The following RARB variants were observed in gnomAD, a reference collection of about 807,000 sequenced individuals.
The protein encoded by RARB is retinoic acid receptor beta, also known as HBV-activated protein.
Under a neutral mutation model 51.9 loss-of-function variants are expected in RARB, and 17 were observed. That is an observed-to-expected ratio of 0.33 (90% CI 0.22 to 0.49). The LOEUF is 0.49. Among genes scored for constraint, RARB ranks in the 20% least tolerant of loss-of-function variants. The pLI is 0.99. For missense variants in RARB, 369 were observed against 550.8 expected (o/e 0.67, Z 3.30); for synonymous variants, 215 against 195.4 (o/e 1.10, Z -0.84).
chr3:25,435,527 A>G (rs919274034), intron 1 of RARB, among the ~76,000 whole-genome samples: 44 of 152,134 alleles, frequency 2.9e-4, no homozygotes, highest in African/African-American at 1.1e-3. Context: ...GGGCTGGTCT[A>G]TTGGAAAGCT....
At chr3:25,184,441 C>G (rs140574325) in intron 5 of RARB, among the ~76,000 whole-genome samples, 358 of 152,108 alleles carry the variant, frequency 2.4e-3, no homozygotes, top group African/African-American at 7.9e-3. Context: ...CCTCTGGGAG[C>G]TTATAGTTAA....
intron 5 of RARB, among the ~76,000 whole-genome samples, chr3:25,302,707 G>A (rs979846324): frequency 6.6e-6 from 1 of 152,160 alleles, no homozygotes; most frequent in Non-Finnish European, 1.5e-5. Flanking sequence ...TTTGTGAATA[G>A]ACTTAAAACC....
chr3:25,365,901 C>T lies in RARB; in HGVS notation c.179-95292C>T, dbSNP rs190102057. 2.0e-5 allele frequency among the ~76,000 whole-genome samples: 3 copies of T among 152,300 alleles called. No individual in the cohort carries two copies. In the East Asian group the frequency reaches 5.8e-4, roughly 29 times the overall value. On this transcript the variant is annotated intron_variant, in intron 5 of 11. Coordinates refer to the RARB transcript ENST00000383772. ...ATCACATGGCAACATTTCTGCCATACCACAGTAGTCACAACTGTGCCTCCA... is the reference window on the plus strand; with the variant it reads ...ATCACATGGCAACATTTCTGCCATATCACAGTAGTCACAACTGTGCCTCCA...
chr3:25,048,373 C>A (rs73040992), intron 2 of RARB, among the ~76,000 whole-genome samples: 36,688 of 151,942 alleles, frequency 0.24, 4,930 homozygotes, highest in African/African-American at 0.36. Context: ...CTCTTCTGAC[C>A]CCCATCCAAT....
chr3:25,258,341 G>T (rs1702916923), intron 5 of RARB, among the ~76,000 whole-genome samples: 1 of 152,158 alleles, frequency 6.6e-6, no homozygotes, highest in Non-Finnish European at 1.5e-5. Context: ...GCACTCTTCT[G>T]TGATAGTTGT....
At chr3:25,497,451 C>T (rs1305981311) in intron 2 of RARB, among the ~76,000 whole-genome samples, 2 of 152,210 alleles carry the variant, frequency 1.3e-5, no homozygotes, top group Non-Finnish European at 2.9e-5. Flanking sequence ...ACCACCTCTT[C>T]TTTCGCCAAT....
At chr3:24,911,544 A>T (rs1694989182) in intron 2 of RARB, among the ~76,000 whole-genome samples, 1 of 145,166 alleles carries the variant, frequency 6.9e-6, no homozygotes, top group Non-Finnish European at 1.6e-5. Flanking sequence ...CCCAGTTTTT[A>T]TTTTTATTTT....
intron 2 of RARB, among the ~76,000 whole-genome samples, chr3:24,945,728 G>C (rs1695759180): frequency 6.6e-6 from 1 of 152,226 alleles, no homozygotes; most frequent in Non-Finnish European, 1.5e-5. Context: ...AGCCAACAGA[G>C]AGCAAACCTG....
At chr3:24,936,839 A>G (rs1429128442) in intron 2 of RARB, among the ~76,000 whole-genome samples, 1 of 152,174 alleles carries the variant, frequency 6.6e-6, no homozygotes, top group East Asian at 1.9e-4. Context: ...ATATAGTCAG[A>G]ATACTGACCT....
At chr3:25,331,368 AACTC>A (rs1704889998) in intron 5 of RARB, among the ~76,000 whole-genome samples, 2 of 152,234 alleles carry the variant, frequency 1.3e-5, no homozygotes, top group Admixed American at 1.3e-4. Context: ...AGGATTAAGA[AACTC>A]ACTCAGAACA....
intron 2 of RARB, among the ~76,000 whole-genome samples, chr3:25,473,280 T>C (rs1006298917): frequency 6.6e-6 from 1 of 151,884 alleles, no homozygotes; most frequent in African/African-American, 2.4e-5. Flanking sequence ...AAAATTTTGT[T>C]CTATGGACCC....
At chr3:25,039,671 C>CT (rs934306295) in intron 2 of RARB, among the ~76,000 whole-genome samples, 1 of 152,074 alleles carries the variant, frequency 6.6e-6, no homozygotes, top group Non-Finnish European at 1.5e-5. Context: ...GGACAAGAAG[C>CT]TTTTTTCTTT....
At chr3:25,051,630 T>G (rs1176214080) in intron 2 of RARB, among the ~76,000 whole-genome samples, 1 of 152,178 alleles carries the variant, frequency 6.6e-6, no homozygotes. Context: ...AAGATACTAT[T>G]ATTCATTAGG....
chr3:25,228,235 T>C (rs1702100339), intron 5 of RARB, among the ~76,000 whole-genome samples: 1 of 146,748 alleles, frequency 6.8e-6, no homozygotes, highest in Admixed American at 6.8e-5. Context: ...TTTTTTTTTT[T>C]TTGGTTGTTC....
chr3:25,121,793 G>C (rs898345680), intron 3 of RARB, among the ~76,000 whole-genome samples: 4 of 152,058 alleles, frequency 2.6e-5, no homozygotes, highest in Non-Finnish European at 5.9e-5. Context: ...TTTATCTATT[G>C]AACAGTCAAC....
chr3:25,253,385 T>G (rs1246625668), intron 5 of RARB, among the ~76,000 whole-genome samples: 1 of 152,160 alleles, frequency 6.6e-6, no homozygotes, highest in African/African-American at 2.4e-5. Context: ...TTACTTAACT[T>G]TATTTTGAAA....
At chr3:24,976,231 C>T (rs754375373) in intron 2 of RARB, among the ~76,000 whole-genome samples, 1 of 152,136 alleles carries the variant, frequency 6.6e-6, no homozygotes, top group Non-Finnish European at 1.5e-5. Context: ...CATGAACATG[C>T]ATGTGCATGT....
At chr3:25,535,558 C>G (rs956194499) in intron 3 of RARB, among the ~76,000 whole-genome samples, 1 of 152,144 alleles carries the variant, frequency 6.6e-6, no homozygotes. Context: ...TATCCATCCT[C>G]TAGCCCCCCA....
At chr3:25,593,408 C>T (rs1361479916) in intron 5 of RARB, 95 bp from the exon 6 acceptor site, 2 of 1,187,934 alleles carry the variant, frequency 1.7e-6, no homozygotes, top group Non-Finnish European at 2.4e-6. Flanking sequence ...CCCAAGAGCT[C>T]CTTGGAAATC....
Sources: gnomAD v4.1 joint callset for allele counts (sites outside exome capture counted in the v4.1 genomes callset) on GRCh38, gnomAD v4.1.1 for gene constraint, MANE v1.5 for transcripts, NCBI Gene and HGNC (gene_info 2026-07-23, HGNC 2026-07-21) for gene names.